Variants in POM121C observed in about 807,000 individuals in gnomAD.
POM121C encodes nuclear envelope pore membrane protein POM 121C.
A neutral mutation model predicts 66.4 loss-of-function variants in POM121C; 20 were observed. The ratio of observed to expected loss-of-function variants is 0.30; its 90% confidence interval spans 0.21 to 0.44. The LOEUF (loss-of-function observed/expected upper bound fraction) is 0.44. Ranked by LOEUF, POM121C falls within the 20% of genes least tolerant of loss-of-function variation. The probability of loss-of-function intolerance (pLI) is 1.00; values close to 1 mark genes in which losing one functional copy is unlikely to be tolerated. For missense variants in POM121C, 580 were observed against 1,225.7 expected, an observed-to-expected ratio of 0.47 and a Z score of 7.87; for synonymous variants, 286 against 528.0, an observed-to-expected ratio of 0.54 and a Z score of 6.28.
intron 1 of POM121C, among the ~76,000 whole-genome samples, chr7:75,483,538 G>A (rs1330466012): frequency 1.3e-5 from 2 of 152,080 alleles, no homozygotes; most frequent in African/African-American, 4.8e-5. Flanking sequence ...CTATGATAGA[G>A]CCTGCAGACG....
intron 12 of POM121C, among the ~76,000 whole-genome samples, 173 bp downstream of exon 12, chr7:75,423,876 T>C (rs1381873551): frequency 6.6e-6 from 1 of 152,192 alleles, no homozygotes; most frequent in African/African-American, 2.4e-5. Flanking sequence ...TCTCTAACAC[T>C]TCCTGATGTG....
chr7:75,479,051 T>G (rs1792203085), intron 1 of POM121C, among the ~76,000 whole-genome samples: 1 of 151,428 alleles, frequency 6.6e-6, no homozygotes. Flanking sequence ...GAGATCAGAT[T>G]TCTCTTAGAA....
chr7:75,424,411 A>G (rs1554471402), intron 11 of POM121C, 115 bp downstream of exon 11: 2 of 1,457,050 alleles, frequency 1.4e-6, no homozygotes, highest in African/African-American at 2.8e-5. Flanking sequence ...ACAAGAAAAC[A>G]TGGAACTCTA....
At chr7:75,473,591 G>A (rs1467501429) in intron 3 of POM121C, among the ~76,000 whole-genome samples, 4 of 152,202 alleles carry the variant, frequency 2.6e-5, no homozygotes, top group Non-Finnish European at 5.9e-5. Flanking sequence ...CACAAGCACA[G>A]GTGGAGGACG....
At chr7:75,432,067 TC>T (rs1205085590) in intron 7 of POM121C, among the ~76,000 whole-genome samples, 1 of 151,110 alleles carries the variant, frequency 6.6e-6, no homozygotes, top group African/African-American at 2.4e-5. Context: ...GCACCTATAG[TC>T]CCAGCTACTA....
intron 3 of POM121C, among the ~76,000 whole-genome samples, chr7:75,466,466 C>T (rs1308350218): frequency 9.9e-5 from 15 of 151,632 alleles, no homozygotes; most frequent in African/African-American, 3.4e-4. Flanking sequence ...ATTAGCCAGG[C>T]GTGATTGCAT....
At chr7:75,468,471 C>T (rs1791755984) in intron 3 of POM121C, among the ~76,000 whole-genome samples, 1 of 151,948 alleles carries the variant, frequency 6.6e-6, no homozygotes, top group African/African-American at 2.4e-5. Flanking sequence ...GCGCCCACCA[C>T]CACACCTGGC....
At chr7:75,436,980 C>T (rs752133384) in intron 7 of POM121C, among the ~76,000 whole-genome samples, 2 of 152,332 alleles carry the variant, frequency 1.3e-5, no homozygotes, top group Non-Finnish European at 2.9e-5. Context: ...GTTCCTTATA[C>T]TATGCAATAA....
chr7:75,473,730 C>T (rs1554478953), intron 3 of POM121C, among the ~76,000 whole-genome samples: 2 of 151,752 alleles, frequency 1.3e-5, no homozygotes, highest in African/African-American at 4.8e-5. Context: ...GCTCTGTCGC[C>T]CAGGCTGGAG....
intron 1 of POM121C, among the ~76,000 whole-genome samples, chr7:75,485,270 A>T (rs1347952550): frequency 6.6e-6 from 1 of 152,096 alleles, no homozygotes; most frequent in Non-Finnish European, 1.5e-5. Context: ...TATCTAACTG[A>T]ACTTGGTTAT....
chr7:75,471,202 TGATA>T, intron 3 of POM121C, among the ~76,000 whole-genome samples: 1 of 151,942 alleles, frequency 6.6e-6, no homozygotes. Flanking sequence ...AGCAGGTAAA[TGATA>T]GATTGATTGA....
chr7:75,429,372 C>T (rs1790080352), intron 7 of POM121C, among the ~76,000 whole-genome samples: 1 of 152,240 alleles, frequency 6.6e-6, no homozygotes, highest in South Asian at 2.1e-4. Context: ...TGGCTCATGC[C>T]TATAATCCCA....
rs141692598 is a variant in POM121C at position 75,477,335 on chromosome 7, C to A, written c.-457-2147G>T. On this transcript the variant is annotated intron_variant, in intron 1 of 14. Transcript: ENST00000615331. ...CGGTGGCTCACGCCTGTAATCCCAA[C>A]ACTTTAGAAGGCCGAGGCGGGCAGA... 5.1e-3 allele frequency among the ~76,000 whole-genome samples: 783 copies of A among 152,310 alleles called. 5 individuals are homozygous for A. Among genetic ancestry groups the A allele is most frequent in the African/African-American group, 0.018 (750 of 41,562 alleles).
intron 1 of POM121C, 71 bp downstream of exon 1, chr7:75,485,793 T>G (rs1792513776): frequency 4.4e-6 from 2 of 458,594 alleles, no homozygotes; most frequent in Non-Finnish European, 8.6e-6. Flanking sequence ...TGCCCCACAC[T>G]CAAAGGTCCC....
chr7:75,450,790 G>T (rs1790996611), intron 3 of POM121C, among the ~76,000 whole-genome samples: 1 of 152,200 alleles, frequency 6.6e-6, no homozygotes, highest in African/African-American at 2.4e-5. Flanking sequence ...AAAATGAGAA[G>T]AATCATCTAA....
At chr7:75,477,332 C>T (rs1792129023) in intron 1 of POM121C, among the ~76,000 whole-genome samples, 1 of 152,096 alleles carries the variant, frequency 6.6e-6, no homozygotes, top group Non-Finnish European at 1.5e-5. Flanking sequence ...CCTGTAATCC[C>T]AACACTTTAG....
chr7:75,454,492 G>C (rs1469389404), intron 3 of POM121C, among the ~76,000 whole-genome samples: 2 of 152,136 alleles, frequency 1.3e-5, no homozygotes, highest in Non-Finnish European at 2.9e-5. Context: ...GTGGCGCTCT[G>C]TGCCGGACCC....
chr7:75,462,486 G>C (rs1326707344), intron 3 of POM121C, among the ~76,000 whole-genome samples: 1 of 151,772 alleles, frequency 6.6e-6, no homozygotes, highest in Non-Finnish European at 1.5e-5. Flanking sequence ...AGGAAAACTG[G>C]GTTATTTTAC....
intron 7 of POM121C, among the ~76,000 whole-genome samples, chr7:75,430,475 A>G (rs1167513996): frequency 1.3e-5 from 2 of 152,018 alleles, no homozygotes; most frequent in Non-Finnish European, 2.9e-5. Flanking sequence ...ACAAACAAAC[A>G]AAAAAAACTA....
Sources: allele counts gnomAD v4.1 joint callset (sites outside exome capture counted in the v4.1 genomes callset), GRCh38; gene constraint gnomAD v4.1.1; transcripts MANE v1.5; gene names NCBI Gene and HGNC (gene_info 2026-07-23, HGNC 2026-07-21).